The following MUC4 variants were observed in gnomAD, a reference collection of about 807,000 sequenced individuals.
MUC4 encodes the protein mucin-4.
In MUC4, 202 loss-of-function variants were observed where a neutral mutation model predicts 257.9. That is an observed-to-expected ratio of 0.78 (90% CI 0.70 to 0.88). The LOEUF (loss-of-function observed/expected upper bound fraction) is 0.88. MUC4 is among the 40% of genes least tolerant of loss of function. The pLI is 0.00. For missense variants in MUC4, 5,976 were observed against 6,513.7 expected (o/e 0.92, Z 2.84); for synonymous variants, 2,351 against 2,757.1 (o/e 0.85, Z 4.62).
chr3:195,786,213 G>C lies in MUC4; in HGVS notation c.5367C>G (p.Asp1789Glu). 6.7e-7 allele frequency: 1 copy of C among 1,484,514 alleles called. No homozygotes were observed. The highest frequency in any genetic ancestry group is 9.1e-7 in the Non-Finnish European group (1 of 1,103,130). 92.0% of individuals were successfully genotyped at this position (1,484,514 alleles called of 1,614,324 possible). ...CGTCGGTGACAGGAAGACGGGTGGT[G>C]TCATCTGTGGAAGCTGAAGAAAGGC... ...VTGLSSASTD[D>E]TTRLPVTDVS... Residue 1789 changes from aspartate (D) to glutamate (E), a missense_variant, in exon 2 of 25, where the codon GAC becomes GAG. This residue lies in a region of MUC4 where 19 missense variants were observed against 31.6 expected (regional missense o/e 0.60). Transcript: ENST00000463781.
chr3:195,767,834 A>AT (rs1184954231), intron 7 of MUC4, among the ~76,000 whole-genome samples: 4 of 116,406 alleles, frequency 3.4e-5, no homozygotes, highest in Non-Finnish European at 5.8e-5. Flanking sequence ...CACCACCATC[A>AT]CCACCACCAC....
Position 195,788,709 on chromosome 3 carries a change from C to A in MUC4, c.2871G>T (p.Leu957=), listed in dbSNP as rs1237629089. The A allele has an allele frequency of 6.2e-7, 1 of 1,611,802 alleles. No individual in the cohort carries two copies. The highest frequency in any genetic ancestry group is 1.1e-5 in the South Asian group (1 of 91,026). Residue 957 remains leucine, a synonymous_variant, in exon 2 of 25, where the codon CTG becomes CTT. Coordinates refer to ENST00000463781, the MANE Select transcript of MUC4 (RefSeq NM_018406.7). ...LTSPQTETHT[L]SPSGSGKTFT... ...AGGTTTTACCAGACCCTGAAGGTGA[C>A]AGAGTGTGGGTCTCGGTTTGTGGAG...
chr3:195,772,415 G>T (rs1402709642), intron 4 of MUC4, among the ~76,000 whole-genome samples: 1 of 123,462 alleles, frequency 8.1e-6, no homozygotes, highest in African/African-American at 3.3e-5. Context: ...TCCCTTCATC[G>T]CTCAGGGGTG....
chr3:195,749,133 C>A (rs1158087728), intron 23 of MUC4, 69 bp from the exon 24 acceptor site: 1 of 1,563,346 alleles, frequency 6.4e-7, no homozygotes, highest in South Asian at 1.2e-5. Context: ...TTTTCAGCCA[C>A]GAATTCCTTT....
chr3:195,754,816 ATGTG>A (rs1560226401), intron 18 of MUC4, among the ~76,000 whole-genome samples: 1 of 17,500 alleles, frequency 5.7e-5, no homozygotes. Context: ...GTATGTATCC[ATGTG>A]TGTATCCATG....
intron 1 of MUC4, among the ~76,000 whole-genome samples, chr3:195,802,697 G>C (rs930640439): frequency 5.3e-5 from 8 of 152,184 alleles, no homozygotes; most frequent in African/African-American, 1.9e-4. Context: ...ACCTTCGTCT[G>C]GTTGTGACTG....
chr3:195,778,034 C>T (rs1424434183), intron 3 of MUC4, among the ~76,000 whole-genome samples: 2 of 152,236 alleles, frequency 1.3e-5, no homozygotes, highest in African/African-American at 4.8e-5. Flanking sequence ...ATTGTGTGCA[C>T]TTAGACCCTG....
At chr3:195,768,295 C>G (rs144751005) in intron 7 of MUC4, among the ~76,000 whole-genome samples, 36 of 152,304 alleles carry the variant, frequency 2.4e-4, no homozygotes, top group Non-Finnish European at 4.7e-4. Flanking sequence ...TTATCAAGAA[C>G]AAAAGACATG....
At chr3:195,771,957 G>A in intron 4 of MUC4, 141 bp from the exon 5 acceptor site, 1 of 892,280 alleles carries the variant, frequency 1.1e-6, no homozygotes, top group Non-Finnish European at 1.7e-6. Context: ...CACCTCCTGT[G>A]TCCTGTTTTG....
intron 16 of MUC4, among the ~76,000 whole-genome samples, chr3:195,760,445 G>A: frequency 6.6e-6 from 1 of 152,072 alleles, no homozygotes; most frequent in Non-Finnish European, 1.5e-5. Flanking sequence ...AGCCTGCGGG[G>A]CTGGAGTGCA....
chr3:195,807,764 A>G (rs1229911398), intron 1 of MUC4, among the ~76,000 whole-genome samples: 1 of 152,238 alleles, frequency 6.6e-6, no homozygotes, highest in Admixed American at 6.5e-5. Flanking sequence ...AATCAGAGAA[A>G]AGACACAGAG....
In MUC4 at chr3:195,754,948, A is replaced by G. The variant is rs77959287; in HGVS notation, c.15169-576T>C. Among the ~76,000 whole-genome samples the G allele has an allele frequency of 6.2e-3, 293 of 47,556 alleles. 1 individual carries two copies. Among genetic ancestry groups the G allele is most frequent in the African/African-American group, 0.011 (224 of 20,558 alleles). 31.2% of individuals were successfully genotyped at this position (47,556 alleles called of 152,430 possible). ...TGCATGTATCCATGTATGTATCCAT[A>G]TGTGTGTATCCATGTGTGTATGTAT... On this transcript the variant is annotated intron_variant, in intron 18 of 24. Coordinates refer to ENST00000463781, the MANE Select transcript of MUC4 (RefSeq NM_018406.7).
chr3:195,763,785 G>A (rs965741951), intron 11 of MUC4, 144 bp from the exon 12 acceptor site: 33 of 1,029,418 alleles, frequency 3.2e-5, no homozygotes, highest in Middle Eastern at 3.2e-4. Flanking sequence ...TTGTCCGGGC[G>A]GACTCAGCTG....
chr3:195,763,984 C>G, intron 11 of MUC4, 61 bp downstream of exon 11: 1 of 1,558,466 alleles, frequency 6.4e-7, no homozygotes, highest in Admixed American at 1.9e-5. Context: ...TGCCACCTCC[C>G]GGAAGCCCAG....
chr3:195,781,118 G>A lies in MUC4; in HGVS notation c.10462C>T (p.Pro3488Ser), dbSNP rs536206297. Residue 3488 changes from proline to serine, a missense_variant, in exon 2 of 25, where the codon CCT becomes TCT. This residue lies in a region of MUC4 where 297 missense variants were observed against 240.9 expected (regional missense o/e 1.23). Coordinates refer to ENST00000463781, the MANE Select transcript of MUC4 (RefSeq NM_018406.7). ...PSSASTGHTT[P>S]LHVTIPSSAS... ...GAGGAAGGGATGGTGACATGAAGAG[G>A]GGTGGTGTGACCTGTAGATGCTGAG... 2,852 of 1,478,412 alleles carry A rather than the reference G, an allele frequency of 1.9e-3. 184 individuals are homozygous for A. The African/African-American group carries it at 0.042, about 22-fold the overall frequency. 91.6% of individuals were successfully genotyped at this position (1,478,412 alleles called of 1,614,324 possible).
intron 18 of MUC4, 75 bp from the exon 19 acceptor site, chr3:195,754,447 C>T: frequency 6.6e-7 from 1 of 1,517,668 alleles, no homozygotes; most frequent in Non-Finnish European, 8.9e-7. Context: ...CTGACTGACC[C>T]CTTTGGCCTG....
chr3:195,801,843 G>GC (rs1463599439), intron 1 of MUC4, among the ~76,000 whole-genome samples: 3 of 151,948 alleles, frequency 2.0e-5, no homozygotes, highest in Non-Finnish European at 4.4e-5. Flanking sequence ...CTGGCCGGCG[G>GC]CCCCGTGCCA....
chr3:195,778,045 G>C (rs1289822461), intron 3 of MUC4, among the ~76,000 whole-genome samples: 2 of 152,188 alleles, frequency 1.3e-5, no homozygotes, highest in Admixed American at 1.3e-4. Context: ...TTAGACCCTG[G>C]GATGAGTCCT....
rs766241739 is a variant in MUC4 at position 195,788,674 on chromosome 3, G to C, written c.2906C>G (p.Ala969Gly). 6.2e-6 allele frequency: 10 copies of C among 1,612,336 alleles called. No individual in the cohort carries two copies. In the South Asian group the frequency reaches 9.9e-5, roughly 16 times the overall value. Residue 969 changes from alanine to glycine, a missense_variant, in exon 2 of 25, where the codon GCC becomes GGC. Around this residue, in one of 44 missense-constraint regions of MUC4, gnomAD observed 1,583 missense variants for 1,257.4 expected, o/e 1.26. Transcript: ENST00000463781. ...AAGAGGGGTGGCGTTGCTGATGAGG[G>C]CCGTGGTGAAGGTTTTACCAGACCC... ...PSGSGKTFTT[A>G]LISNATPLPV...
Sources: allele counts gnomAD v4.1 joint callset (sites outside exome capture counted in the v4.1 genomes callset), GRCh38; gene constraint gnomAD v4.1.1; regional missense constraint gnomAD v4.1.1; transcripts MANE v1.5; gene names NCBI Gene and HGNC (gene_info 2026-07-23, HGNC 2026-07-21).